TMEM108: variants seen among roughly 807,000 people sequenced by gnomAD.
The protein encoded by TMEM108 is transmembrane protein 108, also known as cancer/testis antigen 124.
TMEM108 carries 12 observed loss-of-function variants against 35.1 expected under a neutral mutation model. That is an observed-to-expected ratio of 0.34 (90% CI 0.22 to 0.55). The LOEUF (loss-of-function observed/expected upper bound fraction) is 0.55, where lower values mean the gene tolerates loss of function less well. TMEM108 is among the 20% of genes least tolerant of loss of function. The pLI, the probability that TMEM108 is intolerant of heterozygous loss-of-function variation, is 0.89. For missense variants in TMEM108, 680 were observed against 753.3 expected, an observed-to-expected ratio of 0.90 and a Z score of 1.14; for synonymous variants, 287 against 308.6, an observed-to-expected ratio of 0.93 and a Z score of 0.73.
At chr3:133,250,005 A>G (rs973258211) in intron 3 of TMEM108, among the ~76,000 whole-genome samples, 2 of 152,152 alleles carry the variant, frequency 1.3e-5, no homozygotes, top group Non-Finnish European at 2.9e-5. Context: ...TAGAACTTCT[A>G]GGCTCAAGCA....
At chr3:133,054,442 C>T (rs1943441712) in intron 2 of TMEM108, among the ~76,000 whole-genome samples, 1 of 152,176 alleles carries the variant, frequency 6.6e-6, no homozygotes, top group African/African-American at 2.4e-5. Context: ...AGGTGACTTT[C>T]TAAATGTTGA....
At chr3:133,096,366 G>T (rs1463601983) in intron 2 of TMEM108, among the ~76,000 whole-genome samples, 3 of 152,136 alleles carry the variant, frequency 2.0e-5, no homozygotes, top group African/African-American at 7.2e-5. Context: ...TTGCCATGTT[G>T]CCCAGGCTGG....
intron 2 of TMEM108, among the ~76,000 whole-genome samples, chr3:133,101,909 A>G (rs1944093452): frequency 6.6e-6 from 1 of 152,202 alleles, no homozygotes. Flanking sequence ...GAATTCTTCC[A>G]GGTTGTTATG....
At chr3:133,111,354 G>C (rs1944221931) in intron 2 of TMEM108, among the ~76,000 whole-genome samples, 1 of 152,140 alleles carries the variant, frequency 6.6e-6, no homozygotes, top group African/African-American at 2.4e-5. Flanking sequence ...TGGCTTCAGT[G>C]ATGATTTTCC....
At chr3:133,297,279 A>ACATATGCC (rs1559895914) in intron 3 of TMEM108, among the ~76,000 whole-genome samples, 9 of 152,154 alleles carry the variant, frequency 5.9e-5, no homozygotes, top group African/African-American at 2.2e-4. Flanking sequence ...CAGCATGTTT[A>ACATATGCC]TTAGCAAAAA....
chr3:133,249,743 T>C (rs1367003112), intron 3 of TMEM108, among the ~76,000 whole-genome samples: 1 of 152,166 alleles, frequency 6.6e-6, no homozygotes, highest in African/African-American at 2.4e-5. Context: ...CACGTCTTTG[T>C]TATGGTGAAT....
At chr3:133,383,217 A>AT (rs962544137) in intron 4 of TMEM108, among the ~76,000 whole-genome samples, 5 of 152,142 alleles carry the variant, frequency 3.3e-5, no homozygotes, top group Admixed American at 6.5e-5. Context: ...GCATTCCGTT[A>AT]TTTTTTTATC....
At position 133,372,477 on chromosome 3, in the gene TMEM108, A is replaced by G. The variant is rs149786516; in HGVS notation, c.41-7275A>G. Among the ~76,000 whole-genome samples the G allele has an allele frequency of 6.2e-3, 946 of 152,256 alleles. 7 individuals carry two copies. The highest frequency in any genetic ancestry group is 0.022 in the African/African-American group (894 of 41,532). ...GGTGTGTGTTCACGTGTGTTTGTTC[A>G]TATGTTTTTTAGGAGACCATGGTCT... On this transcript the variant is annotated intron_variant, in intron 3 of 5. Coordinates refer to ENST00000321871, the MANE Select transcript of TMEM108 (RefSeq NM_023943.4).
chr3:133,385,054 C>A (rs1237317713), intron 4 of TMEM108, among the ~76,000 whole-genome samples: 6 of 152,192 alleles, frequency 3.9e-5, no homozygotes, highest in Non-Finnish European at 8.8e-5. Flanking sequence ...AGGTCACATA[C>A]CATTGTGCTG....
intron 3 of TMEM108, among the ~76,000 whole-genome samples, chr3:133,328,060 T>C (rs2071351945): frequency 6.6e-6 from 1 of 152,232 alleles, no homozygotes; most frequent in Non-Finnish European, 1.5e-5. Context: ...TCCATTCATC[T>C]GTCTCTGATC....
At chr3:133,374,535 ATT>A (rs1309330875) in intron 3 of TMEM108, among the ~76,000 whole-genome samples, 1 of 132,954 alleles carries the variant, frequency 7.5e-6, no homozygotes, top group Non-Finnish European at 1.6e-5. Flanking sequence ...TGTATATATA[ATT>A]TTTGTTATAT....
chr3:133,078,656 A>C (rs1178595775), intron 2 of TMEM108, among the ~76,000 whole-genome samples: 4 of 152,270 alleles, frequency 2.6e-5, no homozygotes, highest in African/African-American at 9.6e-5. Flanking sequence ...AGCAGGAAGT[A>C]ATTAAAAAAT....
chr3:133,357,585 A>G (rs1347443233), intron 3 of TMEM108, among the ~76,000 whole-genome samples: 1 of 152,240 alleles, frequency 6.6e-6, no homozygotes, highest in East Asian at 1.9e-4. Context: ...ACTATGGAAC[A>G]CTACTCAGCC....
chr3:133,062,005 T>C (rs1307526781), intron 2 of TMEM108, among the ~76,000 whole-genome samples: 2 of 152,260 alleles, frequency 1.3e-5, no homozygotes, highest in Admixed American at 1.3e-4. Flanking sequence ...ATTTCCTTCA[T>C]TGGCAATTAA....
At chr3:133,107,781 C>A (rs903671596) in intron 2 of TMEM108, among the ~76,000 whole-genome samples, 1 of 152,174 alleles carries the variant, frequency 6.6e-6, no homozygotes, top group Non-Finnish European at 1.5e-5. Flanking sequence ...GCTATAGCCT[C>A]TAAGCCACAA....
chr3:133,324,353 G>A (rs1254801995), intron 3 of TMEM108, among the ~76,000 whole-genome samples: 2 of 152,094 alleles, frequency 1.3e-5, no homozygotes, highest in African/African-American at 4.8e-5. Context: ...CAAAAAGTGG[G>A]CAAAGGACAT....
intron 2 of TMEM108, among the ~76,000 whole-genome samples, chr3:133,078,165 G>A (rs1158174606): frequency 1.3e-4 from 6 of 47,898 alleles, no homozygotes; most frequent in Middle Eastern, 8.1e-3. Context: ...GTGTGCACGC[G>A]CGCGCGCGCA....
At chr3:133,118,847 G>A (rs1576327977) in intron 2 of TMEM108, among the ~76,000 whole-genome samples, 1 of 152,202 alleles carries the variant, frequency 6.6e-6, no homozygotes, top group African/African-American at 2.4e-5. Context: ...TATTTACTTA[G>A]GCAGTGTAGT....
At chr3:133,042,204 ACT>A (rs1943284077) in intron 1 of TMEM108, among the ~76,000 whole-genome samples, 2 of 152,030 alleles carry the variant, frequency 1.3e-5, no homozygotes, top group Non-Finnish European at 2.9e-5. Context: ...CCCGGCTTTG[ACT>A]CTGCCTGAGG....
Sources: allele counts gnomAD v4.1 joint callset (sites outside exome capture counted in the v4.1 genomes callset), GRCh38; gene constraint gnomAD v4.1.1; transcripts MANE v1.5; gene names NCBI Gene and HGNC (gene_info 2026-07-23, HGNC 2026-07-21).